RALYL: variants seen among roughly 807,000 people sequenced by gnomAD.
The protein encoded by RALYL is RALY RNA binding protein like, also known as RNA-binding Raly-like protein.
Under a neutral mutation model 35.1 loss-of-function variants are expected in RALYL, and 29 were observed. The observed-to-expected ratio is 0.83, with a 90% confidence interval of 0.61 to 1.13. RALYL has a LOEUF of 1.13. Among genes scored for constraint, RALYL ranks in the 50% most tolerant of loss-of-function variants. The pLI is 0.00. For missense variants in RALYL, 359 were observed against 360.4 expected (o/e 1.00, Z 0.03); for synonymous variants, 120 against 127.6 (o/e 0.94, Z 0.40).
At chr8:84,318,384 CCT>C (rs1221308757) in intron 1 of RALYL, among the ~76,000 whole-genome samples, 1 of 152,184 alleles carries the variant, frequency 6.6e-6, no homozygotes, top group Non-Finnish European at 1.5e-5. Flanking sequence ...CATACCAGCC[CCT>C]GTTCTTACTT....
At chr8:84,530,579 T>C (rs755510626) in intron 2 of RALYL, among the ~76,000 whole-genome samples, 10 of 152,130 alleles carry the variant, frequency 6.6e-5, no homozygotes, top group Non-Finnish European at 1.0e-4. Context: ...CAATCTCCTT[T>C]TAAATGTGTG....
At chr8:84,211,199 C>T (rs529920391) in intron 1 of RALYL, among the ~76,000 whole-genome samples, 1 of 152,206 alleles carries the variant, frequency 6.6e-6, no homozygotes, top group African/African-American at 2.4e-5. Flanking sequence ...ATATATATCT[C>T]TGACTGTACC....
rs1856068702 is a variant in RALYL, at chr8:84,372,886, G to GTTTTTTTTTTGTTTTTT, written c.-23-156403_-23-156402insGTTTTTTTTTTTTTTTT. Among the ~76,000 whole-genome samples, 3 of 39,064 alleles carry GTTTTTTTTTTGTTTTTT rather than the reference G, an allele frequency of 7.7e-5. 1 individual carries two copies. The highest frequency in any genetic ancestry group is 3.3e-4 in the African/African-American group (3 of 9,110). 25.6% of individuals were successfully genotyped at this position (39,064 alleles called of 152,430 possible). A position where few individuals can be genotyped will look rare whatever the true frequency, so the allele number is the denominator to read the frequency against. ...TTTCTCCACAACCATGCCAGCATCTGTTTTTTTTTTTTTTTTTTTTTTTTT... is the reference window on the plus strand; with the variant it reads ...TTTCTCCACAACCATGCCAGCATCTGTTTTTTTTTTGTTTTTTTTTTTTTTTTTTTTTTTTTTTTTTT... On this transcript the variant is annotated intron_variant, in intron 1 of 8. Coordinates refer to ENST00000521268, the MANE Select transcript of RALYL (RefSeq NM_173848.7).
chr8:84,634,639 A>C lies in RALYL; in HGVS notation c.256+105062A>C, dbSNP rs994931308. 3.3e-5 allele frequency among the ~76,000 whole-genome samples: 5 copies of C among 151,754 alleles called. 1 individual carries two copies. Among genetic ancestry groups the C allele is most frequent in the African/African-American group, 1.2e-4 (5 of 41,364 alleles). ...TATATATTCAATACATTTATTAATA[A>C]GGGCTAAGAAGTCAGGAAATATTCT... On this transcript the variant is annotated intron_variant, in intron 2 of 8. Coordinates refer to ENST00000521268, the MANE Select transcript of RALYL (RefSeq NM_173848.7).
chr8:84,801,435 C>T (rs986813454), intron 3 of RALYL, among the ~76,000 whole-genome samples: 1 of 152,100 alleles, frequency 6.6e-6, no homozygotes, highest in Non-Finnish European at 1.5e-5. Flanking sequence ...AATATTCTTA[C>T]CAGTCTTAAT....
chr8:84,776,585 C>T (rs1405810717), intron 3 of RALYL, among the ~76,000 whole-genome samples: 1 of 152,076 alleles, frequency 6.6e-6, no homozygotes, highest in Non-Finnish European at 1.5e-5. Context: ...TAAATGTATA[C>T]ATTAGAGCTG....
At chr8:84,272,975 C>A (rs1452406365) in intron 1 of RALYL, among the ~76,000 whole-genome samples, 1 of 152,186 alleles carries the variant, frequency 6.6e-6, no homozygotes, top group East Asian at 1.9e-4. Flanking sequence ...TAGTGATATA[C>A]ATTTGCTAGA....
At chr8:84,429,965 G>C (rs2046965614) in intron 1 of RALYL, among the ~76,000 whole-genome samples, 1 of 148,054 alleles carries the variant, frequency 6.8e-6, no homozygotes, top group African/African-American at 2.5e-5. Context: ...GAAAGGTGCA[G>C]AAAGAAACAA....
intron 1 of RALYL, among the ~76,000 whole-genome samples, chr8:84,345,925 A>C (rs555819065): frequency 6.6e-6 from 1 of 152,110 alleles, no homozygotes; most frequent in South Asian, 2.1e-4. Context: ...GCTTTTTACT[A>C]TTTTACTCAT....
intron 2 of RALYL, among the ~76,000 whole-genome samples, chr8:84,694,374 A>G (rs939412441): frequency 5.3e-5 from 8 of 151,950 alleles, no homozygotes; most frequent in African/African-American, 1.9e-4. Context: ...TAGCATCATA[A>G]AAAATATATT....
intron 4 of RALYL, among the ~76,000 whole-genome samples, chr8:84,812,739 A>T (rs1826202815): frequency 6.6e-6 from 1 of 152,142 alleles, no homozygotes. Context: ...CATGCAAACC[A>T]AAGGGCAGGT....
chr8:84,619,246 A>G (rs1228641868), intron 2 of RALYL, among the ~76,000 whole-genome samples: 1 of 151,648 alleles, frequency 6.6e-6, no homozygotes, highest in Non-Finnish European at 1.5e-5. Flanking sequence ...TTTGTAGGTC[A>G]CTCAGGACTT....
intron 1 of RALYL, among the ~76,000 whole-genome samples, chr8:84,385,826 G>A (rs575015947): frequency 6.6e-6 from 1 of 151,860 alleles, no homozygotes; most frequent in African/African-American, 2.4e-5. Context: ...CCCTTAACTT[G>A]GCCATTCACC....
chr8:84,240,334 T>C (rs576580228), intron 1 of RALYL, among the ~76,000 whole-genome samples: 59 of 152,364 alleles, frequency 3.9e-4, no homozygotes, highest in African/African-American at 1.2e-3. Context: ...TTCCAATTAA[T>C]GTCAATTGAG....
At chr8:84,881,787 C>G (rs1431014123) in intron 7 of RALYL, among the ~76,000 whole-genome samples, 1 of 151,898 alleles carries the variant, frequency 6.6e-6, no homozygotes, top group Non-Finnish European at 1.5e-5. Flanking sequence ...ACATGTGCCC[C>G]TAACTAAACA....
At chr8:84,782,625 G>A (rs972667175) in intron 3 of RALYL, among the ~76,000 whole-genome samples, 1 of 152,180 alleles carries the variant, frequency 6.6e-6, no homozygotes, top group Admixed American at 6.5e-5. Flanking sequence ...CTCTTCATCA[G>A]CAGGACTCAC....
chr8:84,563,784 A>G (rs1014794489), intron 2 of RALYL, among the ~76,000 whole-genome samples: 1 of 151,714 alleles, frequency 6.6e-6, no homozygotes, highest in Non-Finnish European at 1.5e-5. Flanking sequence ...ACATGATTCT[A>G]TATGTATTTG....
At chr8:84,469,322 G>T (rs1365977378) in intron 1 of RALYL, among the ~76,000 whole-genome samples, 1 of 151,998 alleles carries the variant, frequency 6.6e-6, no homozygotes. Context: ...TGGGTTTTTG[G>T]TGTGGATGTC....
intron 4 of RALYL, among the ~76,000 whole-genome samples, chr8:84,830,987 T>A (rs1469450250): frequency 6.6e-6 from 1 of 151,656 alleles, no homozygotes; most frequent in Non-Finnish European, 1.5e-5. Context: ...GAAAAGAAGG[T>A]CAATAAATGA....
Sources: allele counts gnomAD v4.1 joint callset (sites outside exome capture counted in the v4.1 genomes callset), GRCh38; gene constraint gnomAD v4.1.1; transcripts MANE v1.5; gene names NCBI Gene and HGNC (gene_info 2026-07-23, HGNC 2026-07-21).